The following C8orf34 variants were observed in gnomAD, a reference collection of about 807,000 sequenced individuals.
C8orf34 encodes chromosome 8 open reading frame 34.
Under a neutral mutation model 68.3 loss-of-function variants are expected in C8orf34, and 65 were observed. The ratio of observed to expected loss-of-function variants is 0.95; its 90% CI spans 0.78 to 1.17. C8orf34 has a LOEUF of 1.17. Ranked by LOEUF, C8orf34 falls within the 50% of genes most tolerant of loss-of-function variation. The probability of loss-of-function intolerance (pLI) is 0.00; values close to 1 mark genes in which losing one functional copy is unlikely to be tolerated. For synonymous variants in C8orf34, 244 were observed against 241.2 expected, an observed-to-expected ratio of 1.01 and a Z score of -0.11; for missense variants, 664 against 655.4, an observed-to-expected ratio of 1.01 and a Z score of -0.14.
At chr8:68,766,215 A>C (rs1373294198) in intron 10 of C8orf34, among the ~76,000 whole-genome samples, 2 of 152,236 alleles carry the variant, frequency 1.3e-5, no homozygotes, top group South Asian at 4.1e-4. Context: ...TTGCATGGGC[A>C]TTGGGTATCA....
intron 10 of C8orf34, among the ~76,000 whole-genome samples, chr8:68,721,876 A>T (rs1821687614): frequency 6.6e-6 from 1 of 152,094 alleles, no homozygotes; most frequent in Non-Finnish European, 1.5e-5. Flanking sequence ...AAAAGAATAA[A>T]TAGAAAAAAC....
rs996540146 is a variant in C8orf34, at chr8:68,488,027, T to G, written c.741T>G (p.Ile247Met). 6.3e-7 allele frequency: 1 copy of G among 1,592,164 alleles called. No homozygotes were observed. The highest frequency in any genetic ancestry group is 8.6e-7 in the Non-Finnish European group (1 of 1,168,684). ...TAAATCTCTTTTAAATCCCAGGTATTGCAATTTCAGATGAACTCGATAAGG... is the reference window on the plus strand; with the variant it reads ...TAAATCTCTTTTAAATCCCAGGTATGGCAATTTCAGATGAACTCGATAAGG... Reference protein sequence around the residue: ...GKALENLSRSIAISDELDKET... With the variant: ...GKALENLSRSMAISDELDKET... The change falls in exon 5 of 14, where the codon ATT becomes ATG. Residue 247 changes from isoleucine (I) to methionine (M), a missense_variant. Transcript: ENST00000518698.
Position 68,726,357 on chromosome 8 carries a change from G to A in C8orf34, c.1404+4920G>A, listed in dbSNP as rs182634142. 2.0e-4 allele frequency among the ~76,000 whole-genome samples: 31 copies of A among 152,244 alleles called. 1 individual carries two copies. Among genetic ancestry groups the A allele is most frequent in the African/African-American group, 3.9e-4 (16 of 41,550 alleles). ...GAGATAAGCCTTGCTCAGGTTTTTC[G>A]GAATTGGAGGACTCTGAGAAACCAG... On this transcript the variant is annotated intron_variant, in intron 10 of 13. Coordinates refer to ENST00000518698, the MANE Select transcript of C8orf34 (RefSeq NM_052958.4).
intron 8 of C8orf34, among the ~76,000 whole-genome samples, chr8:68,701,324 T>A (rs909631594): frequency 3.3e-5 from 5 of 152,078 alleles, no homozygotes; most frequent in Non-Finnish European, 5.9e-5. Flanking sequence ...ATCTCAATTA[T>A]CTTCATTGCG....
intron 5 of C8orf34, among the ~76,000 whole-genome samples, chr8:68,488,553 A>C (rs1813174240): frequency 6.6e-6 from 1 of 152,138 alleles, no homozygotes; most frequent in South Asian, 2.1e-4. Flanking sequence ...ATATTTCTAT[A>C]GTTGTGTCAC....
chr8:68,439,437 G>T, intron 1 of C8orf34, 62 bp from the exon 2 acceptor site: 2 of 1,507,030 alleles, frequency 1.3e-6, no homozygotes, highest in South Asian at 2.4e-5. Flanking sequence ...TGCTAAGTAA[G>T]TGCTTGCTAT....
intron 10 of C8orf34, among the ~76,000 whole-genome samples, chr8:68,766,105 T>C (rs1823165637): frequency 6.6e-6 from 1 of 152,184 alleles, no homozygotes; most frequent in Non-Finnish European, 1.5e-5. Flanking sequence ...TCCCTAAATA[T>C]AGAGAAATTC....
At chr8:68,747,229 G>A (rs1276065644) in intron 10 of C8orf34, among the ~76,000 whole-genome samples, 13 of 151,636 alleles carry the variant, frequency 8.6e-5, no homozygotes, top group South Asian at 4.2e-4. Context: ...TTGATGGGAC[G>A]TATTTCAAAA....
At chr8:68,498,050 C>T (rs913709927) in intron 5 of C8orf34, among the ~76,000 whole-genome samples, 4 of 152,100 alleles carry the variant, frequency 2.6e-5, no homozygotes, top group Non-Finnish European at 4.4e-5. Context: ...CTGCTCTCGA[C>T]CTCCCGACCG....
At chr8:68,741,611 C>T (rs187541278) in intron 10 of C8orf34, among the ~76,000 whole-genome samples, 31 of 152,190 alleles carry the variant, frequency 2.0e-4, no homozygotes, top group African/African-American at 7.0e-4. Flanking sequence ...TTCCCTCCAC[C>T]CCACCCCATA....
chr8:68,333,949 T>A (rs1191935907), intron 1 of C8orf34, among the ~76,000 whole-genome samples: 1 of 152,240 alleles, frequency 6.6e-6, no homozygotes, highest in Non-Finnish European at 1.5e-5. Context: ...GTTAGGAATG[T>A]TTTAAGAAAA....
chr8:68,479,848 G>C (rs1812783455), intron 4 of C8orf34, among the ~76,000 whole-genome samples: 1 of 152,198 alleles, frequency 6.6e-6, no homozygotes, highest in Non-Finnish European at 1.5e-5. Flanking sequence ...ATGAAAATTG[G>C]TATGTGCTTC....
chr8:68,394,949 A>C (rs780130977), intron 1 of C8orf34, among the ~76,000 whole-genome samples: 1 of 152,084 alleles, frequency 6.6e-6, no homozygotes, highest in Non-Finnish European at 1.5e-5. Context: ...TGATGAGAGG[A>C]TACTGTTCAA....
intron 8 of C8orf34, among the ~76,000 whole-genome samples, chr8:68,657,780 T>C (rs1347932922): frequency 6.6e-6 from 1 of 152,220 alleles, no homozygotes; most frequent in African/African-American, 2.4e-5. Flanking sequence ...CAGGATATTT[T>C]GAAATCATTC....
At chr8:68,629,482 A>G (rs1818627437) in intron 7 of C8orf34, among the ~76,000 whole-genome samples, 2 of 152,164 alleles carry the variant, frequency 1.3e-5, no homozygotes, top group Admixed American at 1.3e-4. Flanking sequence ...TCCAGTTTTT[A>G]AAGTTTTTCC....
intron 8 of C8orf34, among the ~76,000 whole-genome samples, chr8:68,683,829 C>T (rs148571110): frequency 1.8e-3 from 277 of 152,140 alleles, no homozygotes; most frequent in Middle Eastern, 6.8e-3. Flanking sequence ...ATAGTCCATG[C>T]CCATAAGGGT....
At chr8:68,773,424 G>A (rs568559248) in intron 10 of C8orf34, among the ~76,000 whole-genome samples, 10 of 151,982 alleles carry the variant, frequency 6.6e-5, no homozygotes, top group South Asian at 4.2e-4. Flanking sequence ...CTTCTGGGAC[G>A]GAGTCTTGCT....
At chr8:68,406,188 C>G (rs1481038232) in intron 1 of C8orf34, among the ~76,000 whole-genome samples, 1 of 152,174 alleles carries the variant, frequency 6.6e-6, no homozygotes, top group Admixed American at 6.6e-5. Context: ...GGTAGACAGA[C>G]AGTTGATCTG....
chr8:68,777,215 T>G (rs1194936330), intron 11 of C8orf34, among the ~76,000 whole-genome samples: 1 of 152,224 alleles, frequency 6.6e-6, no homozygotes, highest in African/African-American at 2.4e-5. Flanking sequence ...ACAGTGGATC[T>G]GTGGGTGATA....
Sources: allele counts gnomAD v4.1 joint callset (sites outside exome capture counted in the v4.1 genomes callset), GRCh38; gene constraint gnomAD v4.1.1; transcripts MANE v1.5; gene names NCBI Gene and HGNC (gene_info 2026-07-23, HGNC 2026-07-21).